Variants in SPMAP1 observed in about 807,000 individuals in gnomAD.
The protein encoded by SPMAP1 is uncharacterized protein C17orf98.
At chr17:38,840,262 C>T in the SPMAP1 span, among the ~76,000 whole-genome samples, 2 of 152,182 alleles carry the variant, frequency 1.3e-5, no homozygotes, top group Non-Finnish European at 2.9e-5. Flanking sequence ...AATCAATTCC[C>T]TTTGTCTTGC....
At chr17:38,840,928 C>T in the SPMAP1 span, among the ~76,000 whole-genome samples, 5 of 151,750 alleles carry the variant, frequency 3.3e-5, no homozygotes, top group South Asian at 1.0e-3. Flanking sequence ...ATCGCTTGAA[C>T]CCGGGAGGCT....
the SPMAP1 span, among the ~76,000 whole-genome samples, chr17:38,835,883 C>T: frequency 6.6e-6 from 1 of 152,150 alleles, no homozygotes; most frequent in African/African-American, 2.4e-5. Context: ...GTGAGGGGAA[C>T]AGGGGCTTCA....
chr17:38,837,446 G>A, the SPMAP1 span, among the ~76,000 whole-genome samples: 1 of 152,148 alleles, frequency 6.6e-6, no homozygotes, highest in African/African-American at 2.4e-5. Flanking sequence ...GAAGGCCAAG[G>A]TGGGTGGATC....
the SPMAP1 span, among the ~76,000 whole-genome samples, chr17:38,835,983 C>T: frequency 8.1e-4 from 123 of 152,112 alleles, no homozygotes; most frequent in African/African-American, 2.8e-3. Flanking sequence ...GGCGCAATCT[C>T]GGATCACTGC....
the SPMAP1 span, among the ~76,000 whole-genome samples, chr17:38,839,085 C>CAAAAAAAAAA: frequency 1.6e-5 from 1 of 63,894 alleles, no homozygotes; most frequent in East Asian, 3.6e-4. Flanking sequence ...GACTCTGTCT[C>CAAAAAAAAAA]AAAAAAAAAA....
At chr17:38,839,716 C>T in the SPMAP1 span, among the ~76,000 whole-genome samples, 5 of 151,726 alleles carry the variant, frequency 3.3e-5, no homozygotes, top group East Asian at 1.9e-4. Context: ...AGGAGAATGG[C>T]GTGAACCCAG....
chr17:38,837,297 G>C, the SPMAP1 span: 26 of 1,205,582 alleles, frequency 2.2e-5, no homozygotes, highest in African/African-American at 3.6e-4. Flanking sequence ...TGCTGAGGGG[G>C]ACACAGTGCA....
the SPMAP1 span, among the ~76,000 whole-genome samples, chr17:38,839,739 G>A: frequency 6.6e-6 from 1 of 151,890 alleles, no homozygotes; most frequent in East Asian, 1.9e-4. Context: ...GGCAGAGCTT[G>A]CAGTGAGCCG....
chr17:38,836,105 G>A, the SPMAP1 span, among the ~76,000 whole-genome samples: 2 of 151,850 alleles, frequency 1.3e-5, no homozygotes, highest in Admixed American at 6.6e-5. Context: ...TAGTAGAGAC[G>A]GGGTTTCACT....
chr17:38,835,373 A>T, the SPMAP1 span: 2 of 1,612,234 alleles, frequency 1.2e-6, no homozygotes, highest in African/African-American at 1.3e-5. Flanking sequence ...GAGAGGCCTG[A>T]GCCTGCATTC....
At chr17:38,836,621 C>T in the SPMAP1 span, among the ~76,000 whole-genome samples, 405 of 130,382 alleles carry the variant, frequency 3.1e-3, 2 homozygotes, top group African/African-American at 0.011. Context: ...GATGGAGTCT[C>T]GCTGCATCGC....
At chr17:38,836,654 G>C in the SPMAP1 span, among the ~76,000 whole-genome samples, 1 of 139,964 alleles carries the variant, frequency 7.1e-6, no homozygotes, top group African/African-American at 2.7e-5. Flanking sequence ...GCAGTGGCAC[G>C]ATCTTGGCAC....
chr17:38,840,617 CAAAAAAAAAAAAAAAAAAAAAAAAA>C, the SPMAP1 span, among the ~76,000 whole-genome samples: 10 of 48,698 alleles, frequency 2.1e-4, no homozygotes, highest in African/African-American at 9.0e-5. Context: ...CCCCTCTCTA[CAAAAAAAAAAAAAAAAAAAAAAAAA>C]AAAAAAAAAA....
At chr17:38,837,636 C>A in the SPMAP1 span, among the ~76,000 whole-genome samples, 3 of 151,086 alleles carry the variant, frequency 2.0e-5, no homozygotes, top group Non-Finnish European at 4.4e-5. Context: ...CGAGATCCTG[C>A]CATTGCACTC....
chr17:38,835,439 C>G, the SPMAP1 span: 2 of 1,356,130 alleles, frequency 1.5e-6, no homozygotes, highest in South Asian at 1.3e-5. Context: ...GCCAACCAGG[C>G]GTAGTCACTT....
At chr17:38,837,141 C>G in the SPMAP1 span, 3 of 1,608,224 alleles carry the variant, frequency 1.9e-6, no homozygotes, top group African/African-American at 4.0e-5. Context: ...CAGCACTTGC[C>G]TGTCCCTGCC....
the SPMAP1 span, chr17:38,835,498 G>A: frequency 8.6e-6 from 7 of 814,832 alleles, no homozygotes; most frequent in South Asian, 1.3e-4. Context: ...GAGACTCTGG[G>A]CTGAAAAGCC....
the SPMAP1 span, among the ~76,000 whole-genome samples, chr17:38,839,239 G>T: frequency 6.6e-6 from 1 of 151,672 alleles, no homozygotes; most frequent in African/African-American, 2.4e-5. Context: ...TGCCAGCATG[G>T]TGGCTCATGC....
At chr17:38,840,049 G>C in the SPMAP1 span, among the ~76,000 whole-genome samples, 1 of 152,096 alleles carries the variant, frequency 6.6e-6, no homozygotes, top group Non-Finnish European at 1.5e-5. Flanking sequence ...AAACAGTCTC[G>C]GAATCTTTGA....
Sources: gnomAD v4.1 joint callset for allele counts (sites outside exome capture counted in the v4.1 genomes callset) on GRCh38, gnomAD v4.1.1 for gene constraint, MANE v1.5 for transcripts, NCBI Gene and HGNC (gene_info 2026-07-23, HGNC 2026-07-21) for gene names.